GRB2: variants seen among roughly 807,000 people sequenced by gnomAD.
The protein encoded by GRB2 is growth factor receptor bound protein 2.
GRB2 carries 2 observed loss-of-function variants against 27.4 expected under a neutral mutation model. That is an observed-to-expected ratio of 0.07 (90% confidence interval 0.03 to 0.23). GRB2 has a LOEUF of 0.23. GRB2 is among the 10% of genes least tolerant of loss of function. The pLI is 1.00. For missense variants in GRB2, 102 were observed against 282.4 expected (o/e 0.36, Z 4.58); for synonymous variants, 94 against 99.6 (o/e 0.94, Z 0.33).
At chr17:75,388,783 T>C (rs1186539883) in intron 2 of GRB2, among the ~76,000 whole-genome samples, 1 of 152,094 alleles carries the variant, frequency 6.6e-6, no homozygotes, top group Non-Finnish European at 1.5e-5. Flanking sequence ...AAATGGGACT[T>C]GTGCACTGAA....
chr17:75,355,826 T>C (rs922791949), intron 2 of GRB2, among the ~76,000 whole-genome samples: 66 of 150,078 alleles, frequency 4.4e-4, no homozygotes, highest in African/African-American at 1.6e-3. Flanking sequence ...CTTTTTTTTT[T>C]TTTTTTTTTT....
At chr17:75,375,843 G>A (rs2078889189) in intron 2 of GRB2, among the ~76,000 whole-genome samples, 1 of 151,654 alleles carries the variant, frequency 6.6e-6, no homozygotes, top group South Asian at 2.1e-4. Flanking sequence ...GGCTAACACG[G>A]TGAAACCCTG....
At chr17:75,398,432 A>AT (rs1349372233) in intron 1 of GRB2, among the ~76,000 whole-genome samples, 15 of 148,676 alleles carry the variant, frequency 1.0e-4, no homozygotes, top group South Asian at 2.1e-4. Context: ...TAGCCTACTC[A>AT]TTTTTTTTTG....
intron 2 of GRB2, among the ~76,000 whole-genome samples, chr17:75,379,950 G>A (rs956790350): frequency 6.6e-6 from 1 of 152,152 alleles, no homozygotes; most frequent in Non-Finnish European, 1.5e-5. Flanking sequence ...ACGTACATAA[G>A]AAAGCATATA....
At chr17:75,331,888 T>G (rs1363960190) in intron 3 of GRB2, among the ~76,000 whole-genome samples, 2 of 152,146 alleles carry the variant, frequency 1.3e-5, no homozygotes, top group African/African-American at 4.8e-5. Flanking sequence ...GGATGTGCTG[T>G]GATCCAACAG....
chr17:75,358,637 G>A (rs2078750858), intron 2 of GRB2, among the ~76,000 whole-genome samples: 1 of 147,298 alleles, frequency 6.8e-6, no homozygotes, highest in Admixed American at 7.0e-5. Context: ...GGCTGAGGCA[G>A]GCGGATCACG....
At chr17:75,403,759 G>C (rs986351419) in intron 1 of GRB2, among the ~76,000 whole-genome samples, 1 of 150,788 alleles carries the variant, frequency 6.6e-6, no homozygotes, top group Non-Finnish European at 1.5e-5. Context: ...GCGAGACTCC[G>C]TCTCAAAAAA....
At chr17:75,346,807 G>A (rs904555402) in intron 2 of GRB2, among the ~76,000 whole-genome samples, 1 of 151,860 alleles carries the variant, frequency 6.6e-6, no homozygotes, top group Non-Finnish European at 1.5e-5. Context: ...CTAACCTCAA[G>A]TCACCTTGGC....
chr17:75,386,846 T>G (rs979220236), intron 2 of GRB2, among the ~76,000 whole-genome samples: 1 of 152,182 alleles, frequency 6.6e-6, no homozygotes, highest in Admixed American at 6.5e-5. Flanking sequence ...TTCTTAAGCT[T>G]TGAGCCTGTT....
In GRB2 at chr17:75,387,951, C is replaced by G. The variant is rs370793889; in HGVS notation, c.78+5600G>C. On this transcript the variant is annotated intron_variant, in intron 2 of 5. Coordinates refer to ENST00000316804, the MANE Select transcript of GRB2 (RefSeq NM_002086.5). ...AGGAAGAATCATCTTCAGCCAGTCT[C>G]CCAAAAAGAATCTTTTATAGGAAAT... is the stretch of plus-strand genomic sequence containing the variant. 6.6e-5 allele frequency among the ~76,000 whole-genome samples: 10 copies of G among 152,248 alleles called. No individual in the cohort carries two copies. In the East Asian group the frequency reaches 1.5e-3, roughly 23 times the overall value.
intron 2 of GRB2, among the ~76,000 whole-genome samples, chr17:75,368,339 C>G (rs1231438159): frequency 6.6e-6 from 1 of 151,702 alleles, no homozygotes; most frequent in Admixed American, 6.6e-5. Context: ...CCTCAGCCTC[C>G]TGAGTAGGTG....
chr17:75,380,559 TGCA>T (rs2078921589), intron 2 of GRB2, among the ~76,000 whole-genome samples: 1 of 152,204 alleles, frequency 6.6e-6, no homozygotes, highest in South Asian at 2.1e-4. Flanking sequence ...GCTAAACATT[TGCA>T]GCATAAACTA....
chr17:75,359,927 A>G (rs2145847102), intron 2 of GRB2, among the ~76,000 whole-genome samples: 1 of 152,066 alleles, frequency 6.6e-6, no homozygotes, highest in East Asian at 1.9e-4. Flanking sequence ...CTTGTCTTGG[A>G]AAGATAAATG....
chr17:75,337,712 A>T (rs1338742796), intron 2 of GRB2, among the ~76,000 whole-genome samples: 1 of 149,696 alleles, frequency 6.7e-6, no homozygotes, highest in African/African-American at 2.4e-5. Context: ...CTGGGACTAC[A>T]GGCGTCTGCA....
intron 3 of GRB2, among the ~76,000 whole-genome samples, chr17:75,329,481 TA>T (rs111645350): frequency 0.077 from 11,703 of 151,844 alleles, 463 homozygotes; most frequent in Middle Eastern, 0.13. Context: ...TATTTTCAAT[TA>T]AAAAAAATAA....
At chr17:75,358,827 T>C (rs2078754451) in intron 2 of GRB2, among the ~76,000 whole-genome samples, 1 of 134,236 alleles carries the variant, frequency 7.4e-6, no homozygotes, top group African/African-American at 2.8e-5. Context: ...GAGGTTGCAG[T>C]GAGCTGAGAT....
At chr17:75,338,697 T>C (rs75646338) in intron 2 of GRB2, 1 of 422,542 alleles carries the variant, frequency 2.4e-6, no homozygotes, top group Admixed American at 3.8e-5. Context: ...GGTTTTTTTT[T>C]GCAAAGAGAC....
chr17:75,387,591 G>A (rs2078972800), intron 2 of GRB2: 1 of 152,038 alleles, frequency 6.6e-6, no homozygotes, highest in Non-Finnish European at 1.5e-5. Flanking sequence ...GAGGTCAGGA[G>A]TTTAAGACCA....
chr17:75,404,565 G>T (rs1567880107), intron 1 of GRB2, among the ~76,000 whole-genome samples: 3 of 151,752 alleles, frequency 2.0e-5, no homozygotes, highest in Admixed American at 1.3e-4. Context: ...GGGGAGGAAG[G>T]GGCAAATGAC....
Sources: gnomAD v4.1 joint callset for allele counts (sites outside exome capture counted in the v4.1 genomes callset) on GRCh38, gnomAD v4.1.1 for gene constraint, MANE v1.5 for transcripts, NCBI Gene and HGNC (gene_info 2026-07-23, HGNC 2026-07-21) for gene names.